The following NELL2 variants were observed in gnomAD, a reference collection of about 807,000 sequenced individuals.
The protein encoded by NELL2 is neural EGFL like 2, also known as protein kinase C-binding protein NELL2.
A neutral mutation model predicts 109.6 loss-of-function variants in NELL2; 41 were observed. The observed-to-expected ratio is 0.37, with a 90% CI of 0.29 to 0.49. The LOEUF is 0.49. Among genes scored for constraint, NELL2 ranks in the 20% least tolerant of loss-of-function variants. NELL2 has a pLI of 0.98. For missense variants in NELL2, 900 were observed against 1,008.3 expected (o/e 0.89, Z 1.45); for synonymous variants, 355 against 344.7 (o/e 1.03, Z -0.33).
At chr12:44,585,679 C>A (rs1045066696) in intron 15 of NELL2, among the ~76,000 whole-genome samples, 1 of 151,784 alleles carries the variant, frequency 6.6e-6, no homozygotes, top group Non-Finnish European at 1.5e-5. Flanking sequence ...TTTATTATTT[C>A]ATTTGCACAG....
At chr12:44,825,774 G>A (rs966548946) in intron 2 of NELL2, among the ~76,000 whole-genome samples, 7 of 150,624 alleles carry the variant, frequency 4.6e-5, no homozygotes, top group East Asian at 2.0e-4. Flanking sequence ...GGCCGGGCCC[G>A]GTGACTCATG....
chr12:44,665,634 G>C, intron 12 of NELL2, 25 bp from the exon 13 acceptor site: 1 of 1,602,100 alleles, frequency 6.2e-7, no homozygotes, highest in Non-Finnish European at 8.5e-7. Flanking sequence ...AGGACAAAGA[G>C]GTCAACAGTG....
chr12:44,515,154 A>G (rs1052711044), intron 19 of NELL2, among the ~76,000 whole-genome samples: 1 of 151,846 alleles, frequency 6.6e-6, no homozygotes, highest in African/African-American at 2.4e-5. Flanking sequence ...CACAAATTAC[A>G]TTAAATGTAA....
intron 12 of NELL2, among the ~76,000 whole-genome samples, chr12:44,700,273 C>T (rs969823252): frequency 3.3e-5 from 5 of 152,328 alleles, no homozygotes; most frequent in South Asian, 4.1e-4. Context: ...CACTGGCTTT[C>T]GTCCATTGGT....
At chr12:44,726,840 G>A (rs1939107532) in intron 9 of NELL2, among the ~76,000 whole-genome samples, 1 of 151,778 alleles carries the variant, frequency 6.6e-6, no homozygotes, top group Non-Finnish European at 1.5e-5. Context: ...TTATATATTA[G>A]TATGTATTTA....
rs749763085 is a variant in NELL2 at position 44,703,731 on chromosome 12, C to G, written c.1313G>C (p.Cys438Ser). The change falls in exon 12 of 20, where the codon TGT (cysteine) becomes TCT (serine). Residue 438 changes from cysteine (C) to serine (S), a missense_variant. Physicochemically the swap from Cys to Ser is moderately radical, Grantham distance 112 (BLOSUM62 -1). This residue lies in a region of NELL2 where 292 missense variants were observed against 265.3 expected (regional missense o/e 1.10). Transcript: ENST00000429094. The part of the protein sequence containing the change: ...FRALREDNAY[C>S]EDIDECAEGR... ...CACATCATTACAAGGATTACCTTCACAGTAGGCATTATCCTCTCGAAGAGC... is the reference window on the plus strand; with the variant it reads ...CACATCATTACAAGGATTACCTTCAGAGTAGGCATTATCCTCTCGAAGAGC... 6.2e-7 allele frequency: 1 copy of G among 1,613,306 alleles called. No homozygotes were observed. Among genetic ancestry groups the G allele is most frequent in the Non-Finnish European group, 8.5e-7 (1 of 1,179,486 alleles).
intron 9 of NELL2, among the ~76,000 whole-genome samples, chr12:44,740,267 G>A (rs780385852): frequency 6.6e-6 from 1 of 152,156 alleles, no homozygotes; most frequent in Non-Finnish European, 1.5e-5. Flanking sequence ...CAGTATATCA[G>A]ATGATATACT....
chr12:44,576,295 T>C (rs952748918), intron 15 of NELL2, among the ~76,000 whole-genome samples: 1 of 152,232 alleles, frequency 6.6e-6, no homozygotes, highest in Non-Finnish European at 1.5e-5. Context: ...CGCAGTCATA[T>C]CTGCAAATTA....
At chr12:44,734,638 A>G (rs1037350616) in intron 9 of NELL2, among the ~76,000 whole-genome samples, 1 of 151,954 alleles carries the variant, frequency 6.6e-6, no homozygotes, top group Non-Finnish European at 1.5e-5. Context: ...CTTTTCTTAA[A>G]TAATAAAAAA....
chr12:44,673,309 G>GTGTA (rs1412598890), intron 12 of NELL2, among the ~76,000 whole-genome samples: 6 of 152,100 alleles, frequency 3.9e-5, no homozygotes, highest in Non-Finnish European at 5.9e-5. Context: ...TTAGTCCAGG[G>GTGTA]TGTATTTTAG....
At position 44,876,121 on chromosome 12, in the gene NELL2, AG is replaced by A; in HGVS notation, c.-253del. The A allele has an allele frequency of 3.8e-6, 5 of 1,309,890 alleles. No individual in the cohort carries two copies. Among genetic ancestry groups the A allele is most frequent in the Non-Finnish European group, 4.9e-6 (5 of 1,028,904 alleles). 81.1% of individuals were successfully genotyped at this position (1,309,890 alleles called of 1,614,324 possible). On this transcript the variant is annotated 5_prime_UTR_variant, in exon 1 of 20. Coordinates refer to ENST00000429094, the MANE Select transcript of NELL2 (RefSeq NM_001145108.2). ...GGGCCGAGGCGGCAGCGCGGCCCGGAGGGGGCCCGGAGGGAGGGGTCGGACT... is the reference window on the plus strand; with the variant it reads ...GGGCCGAGGCGGCAGCGCGGCCCGGAGGGGCCCGGAGGGAGGGGTCGGACT...
upstream of NELL2, chr12:44,876,446 C>G (rs756132593): frequency 4.2e-4 from 543 of 1,287,842 alleles, 1 homozygote; most frequent in Non-Finnish European, 5.2e-4. Context: ...GTCTCCCGCA[C>G]GGTCTCCTGG....
At chr12:44,616,496 T>C (rs1467210151) in intron 13 of NELL2, among the ~76,000 whole-genome samples, 2 of 152,138 alleles carry the variant, frequency 1.3e-5, no homozygotes, top group Non-Finnish European at 2.9e-5. Context: ...ATTTGATTCC[T>C]AGAAACCTGA....
intron 1 of NELL2, among the ~76,000 whole-genome samples, chr12:44,889,195 A>G (rs536018623): frequency 6.0e-4 from 92 of 152,172 alleles, no homozygotes; most frequent in Admixed American, 7.2e-4. Context: ...AGGAATAGGC[A>G]AGGAAAAGAG....
At chr12:44,920,758 T>G (rs1027926552) in intron 1 of NELL2, among the ~76,000 whole-genome samples, 1 of 152,120 alleles carries the variant, frequency 6.6e-6, no homozygotes, top group Non-Finnish European at 1.5e-5. Context: ...AAGATTAAAG[T>G]TTTTATTTGC....
intron 16 of NELL2, among the ~76,000 whole-genome samples, chr12:44,527,348 C>A (rs1013619835): frequency 1.3e-5 from 2 of 151,978 alleles, no homozygotes; most frequent in African/African-American, 4.8e-5. Context: ...CAGACAGAGA[C>A]AAAATTTTAG....
At chr12:44,539,449 T>C (rs996810091) in intron 15 of NELL2, among the ~76,000 whole-genome samples, 4 of 152,186 alleles carry the variant, frequency 2.6e-5, no homozygotes, top group African/African-American at 7.2e-5. Context: ...ATTGTACCTT[T>C]TAATCAATAC....
At chr12:44,532,347 T>G (rs1411360769) in intron 16 of NELL2, among the ~76,000 whole-genome samples, 1 of 152,170 alleles carries the variant, frequency 6.6e-6, no homozygotes, top group Non-Finnish European at 1.5e-5. Flanking sequence ...CATTTAACAG[T>G]TGCAAGAATC....
intron 11 of NELL2, among the ~76,000 whole-genome samples, chr12:44,707,928 A>G (rs533248154): frequency 6.6e-6 from 1 of 152,296 alleles, no homozygotes; most frequent in South Asian, 2.1e-4. Flanking sequence ...AACTGACACT[A>G]ACTCAGCCTT....
Sources: allele counts gnomAD v4.1 joint callset (sites outside exome capture counted in the v4.1 genomes callset), GRCh38; gene constraint gnomAD v4.1.1; regional missense constraint gnomAD v4.1.1; transcripts MANE v1.5; gene names NCBI Gene and HGNC (gene_info 2026-07-23, HGNC 2026-07-21).